ABTB2: variants seen among roughly 807,000 people sequenced by gnomAD.
ABTB2 encodes the protein ankyrin repeat and BTB/POZ domain-containing protein 2.
Under a neutral mutation model 104.1 loss-of-function variants are expected in ABTB2, and 56 were observed. That is an observed-to-expected ratio of 0.54 (90% confidence interval 0.43 to 0.67). ABTB2 has a LOEUF of 0.67. Among genes scored for constraint, ABTB2 ranks in the 30% least tolerant of loss-of-function variants. The pLI, the probability that ABTB2 is intolerant of heterozygous loss-of-function variation, is 0.00. For missense variants in ABTB2, 1,279 were observed against 1,407.7 expected, an observed-to-expected ratio of 0.91 and a Z score of 1.46; for synonymous variants, 606 against 608.2, an observed-to-expected ratio of 1.00 and a Z score of 0.05.
intron 1 of ABTB2, among the ~76,000 whole-genome samples, chr11:34,218,684 T>A (rs1853577142): frequency 6.6e-6 from 1 of 151,748 alleles, no homozygotes; most frequent in Admixed American, 6.6e-5. Context: ...ACCCCATCTC[T>A]ACTAAAAACA....
intron 1 of ABTB2, among the ~76,000 whole-genome samples, chr11:34,265,840 G>A (rs575958223): frequency 6.7e-6 from 1 of 148,190 alleles, no homozygotes. Context: ...ATGGTGGCAG[G>A]TGCCTGTAAC....
At chr11:34,256,785 C>T (rs1854128332) in intron 1 of ABTB2, among the ~76,000 whole-genome samples, 1 of 152,200 alleles carries the variant, frequency 6.6e-6, no homozygotes, top group Non-Finnish European at 1.5e-5. Flanking sequence ...CACGCTCTTT[C>T]ACTCCGGAGG....
At chr11:34,285,931 G>A (rs1013177677) in intron 1 of ABTB2, among the ~76,000 whole-genome samples, 1 of 152,166 alleles carries the variant, frequency 6.6e-6, no homozygotes, top group Non-Finnish European at 1.5e-5. Context: ...CTTGCACCTT[G>A]GGAAAGGAGT....
intron 1 of ABTB2, among the ~76,000 whole-genome samples, chr11:34,237,425 G>C (rs985626532): frequency 9.2e-5 from 14 of 152,000 alleles, no homozygotes; most frequent in Non-Finnish European, 1.8e-4. Context: ...TTTCAGGCGT[G>C]AGCCACTGCG....
chr11:34,287,621 T>C (rs962491887), intron 1 of ABTB2, among the ~76,000 whole-genome samples: 3 of 152,198 alleles, frequency 2.0e-5, no homozygotes, highest in African/African-American at 7.2e-5. Flanking sequence ...AGTCACCAAA[T>C]AGACCTACTT....
At chr11:34,226,592 T>C (rs970251680) in intron 1 of ABTB2, among the ~76,000 whole-genome samples, 11 of 152,210 alleles carry the variant, frequency 7.2e-5, no homozygotes, top group African/African-American at 2.2e-4. Context: ...AACTCCAGTA[T>C]AGAGAAACTG....
intron 2 of ABTB2, among the ~76,000 whole-genome samples, chr11:34,201,689 C>T (rs74392987): frequency 6.1e-4 from 93 of 152,288 alleles, no homozygotes; most frequent in African/African-American, 2.2e-3. Flanking sequence ...AGAAAAACTG[C>T]AATATCTGCC....
At chr11:34,261,230 T>A (rs1011202897) in intron 1 of ABTB2, among the ~76,000 whole-genome samples, 3 of 152,210 alleles carry the variant, frequency 2.0e-5, no homozygotes, top group Non-Finnish European at 4.4e-5. Context: ...AGAAAGGATA[T>A]AAGTTAATAT....
At chr11:34,215,394 A>G (rs911478220) in intron 1 of ABTB2, among the ~76,000 whole-genome samples, 2 of 152,266 alleles carry the variant, frequency 1.3e-5, no homozygotes, top group Non-Finnish European at 2.9e-5. Flanking sequence ...TGCAAACATC[A>G]CAAGGCCCAG....
chr11:34,334,471 C>G (rs1855168756), intron 1 of ABTB2, among the ~76,000 whole-genome samples: 1 of 152,146 alleles, frequency 6.6e-6, no homozygotes, highest in Non-Finnish European at 1.5e-5. Context: ...ATAGCTACCA[C>G]CTATTGAGAA....
intron 1 of ABTB2, among the ~76,000 whole-genome samples, chr11:34,316,710 C>T (rs1351372410): frequency 4.6e-5 from 7 of 152,172 alleles, no homozygotes; most frequent in Non-Finnish European, 1.0e-4. Flanking sequence ...ACAGTGTGTA[C>T]TTGAATGTGA....
At chr11:34,267,068 A>G (rs1156716086) in intron 1 of ABTB2, among the ~76,000 whole-genome samples, 5 of 152,006 alleles carry the variant, frequency 3.3e-5, no homozygotes, top group Non-Finnish European at 7.4e-5. Context: ...GGAGAGGAAA[A>G]TTCTCTCAAT....
rs75890912 is a variant in ABTB2, at chr11:34,253,695, T to G, written c.884-49005A>C. ...CGTCTCAAAAAAAAAAAAAAAATTT[T>G]TTTTTCAGGGGAACCTACCAGGGAG... On this transcript the variant is annotated intron_variant, in intron 1 of 16. Transcript: ENST00000435224. Among the ~76,000 whole-genome samples, 1,631 of 151,954 alleles carry G rather than the reference T, an allele frequency of 0.011. 73 individuals carry two copies. In the East Asian group the frequency reaches 0.14, roughly 13 times the overall value.
At chr11:34,308,366 G>A (rs1360299396) in intron 1 of ABTB2, among the ~76,000 whole-genome samples, 1 of 152,218 alleles carries the variant, frequency 6.6e-6, no homozygotes, top group Non-Finnish European at 1.5e-5. Context: ...AGAAATGACA[G>A]CTAACAGCAT....
At chr11:34,290,242 C>G (rs1026132766) in intron 1 of ABTB2, among the ~76,000 whole-genome samples, 1 of 152,190 alleles carries the variant, frequency 6.6e-6, no homozygotes, top group Non-Finnish European at 1.5e-5. Flanking sequence ...AGCTATCTTC[C>G]CTTGCACGAT....
chr11:34,344,769 A>T (rs1337680737), intron 1 of ABTB2, among the ~76,000 whole-genome samples: 3 of 152,176 alleles, frequency 2.0e-5, no homozygotes, highest in African/African-American at 4.8e-5. Context: ...AGGTGCTAGG[A>T]TTACAGGTGT....
chr11:34,155,424 TCCAGGA>T (rs1852610119), intron 14 of ABTB2, among the ~76,000 whole-genome samples: 1 of 152,218 alleles, frequency 6.6e-6, no homozygotes, highest in Non-Finnish European at 1.5e-5. Context: ...GATGAGGTGG[TCCAGGA>T]CCGGGAACGA....
chr11:34,283,364 T>G (rs749395831), intron 1 of ABTB2, among the ~76,000 whole-genome samples: 3 of 151,852 alleles, frequency 2.0e-5, no homozygotes, highest in Non-Finnish European at 4.4e-5. Context: ...TACAGGCACG[T>G]GCCACCATGC....
chr11:34,247,427 T>A (rs1477571832), intron 1 of ABTB2, among the ~76,000 whole-genome samples: 1 of 152,236 alleles, frequency 6.6e-6, no homozygotes, highest in Non-Finnish European at 1.5e-5. Flanking sequence ...ATAAGTTACA[T>A]GAGATATTCA....
Sources: gnomAD v4.1 joint callset for allele counts (sites outside exome capture counted in the v4.1 genomes callset) on GRCh38, gnomAD v4.1.1 for gene constraint, MANE v1.5 for transcripts, NCBI Gene and HGNC (gene_info 2026-07-23, HGNC 2026-07-21) for gene names.